DMD: variants seen among roughly 807,000 people sequenced by gnomAD.
DMD encodes mutant dystrophin.
A neutral mutation model predicts 330.1 loss-of-function variants in DMD; 63 were observed. That is an observed-to-expected ratio of 0.19 (90% CI 0.16 to 0.24). The LOEUF (loss-of-function observed/expected upper bound fraction) is 0.24. DMD is among the 10% of genes least tolerant of loss of function. The probability of loss-of-function intolerance (pLI) is 1.00; values close to 1 mark genes in which losing one functional copy is unlikely to be tolerated. For synonymous variants in DMD, 1,223 were observed against 959.8 expected (o/e 1.27, Z -5.07); for missense variants, 3,344 against 2,684.1 (o/e 1.25, Z -5.43).
chrX:31,909,795 G>A (rs1221235723), intron 47 of DMD, among the ~76,000 whole-genome samples: 4 of 112,045 alleles, frequency 3.6e-5, no homozygotes, highest in South Asian at 3.7e-4. Flanking sequence ...GTTTTCTTTC[G>A]TTTTTCTAAC....
rs572752202 is a variant in DMD at position 31,878,558 on chromosome X, A to G, written c.6913-3185T>C. On this transcript the variant is annotated intron_variant, in intron 47 of 78. Coordinates refer to ENST00000357033, the MANE Select transcript of DMD (RefSeq NM_004006.3). ...AAAATCAAAAGCTTCTGCACGACCA[A>G]AAGAGCCATAGGCAAAATCAAAAAC... 3.6e-5 allele frequency among the ~76,000 whole-genome samples: 4 copies of G among 112,215 alleles called. 1 individual carries two copies. Among genetic ancestry groups the G allele is most frequent in the African/African-American group, 1.3e-4 (4 of 30,970 alleles).
At chrX:32,070,993 C>T (rs2096292704) in intron 44 of DMD, among the ~76,000 whole-genome samples, 1 of 111,580 alleles carries the variant, frequency 9.0e-6, no homozygotes, top group Admixed American at 9.5e-5. Context: ...AGGACGTGAA[C>T]TCATCCTTTT....
chrX:32,653,034 C>G (rs12008977), intron 9 of DMD, among the ~76,000 whole-genome samples: 8,138 of 110,901 alleles, frequency 0.073, 716 homozygotes, highest in African/African-American at 0.25. Flanking sequence ...ATTTGTTTGA[C>G]TTCTTTGTAG....
intron 9 of DMD, among the ~76,000 whole-genome samples, chrX:32,673,231 T>G (rs1199922601): frequency 9.1e-6 from 1 of 110,313 alleles, no homozygotes; most frequent in Non-Finnish European, 1.9e-5. Context: ...ATGATAAACC[T>G]CCCCCACCCC....
intron 16 of DMD, among the ~76,000 whole-genome samples, chrX:32,549,497 G>A (rs1311489385): frequency 9.0e-6 from 1 of 111,427 alleles, no homozygotes; most frequent in Non-Finnish European, 1.9e-5. Context: ...GCCAGTCCTG[G>A]TTTTGAGAAT....
chrX:31,281,672 T>C (rs972011040), intron 62 of DMD, among the ~76,000 whole-genome samples: 1 of 111,844 alleles, frequency 8.9e-6, no homozygotes, highest in Non-Finnish European at 1.9e-5. Flanking sequence ...GGAGTGACTT[T>C]TAGTGGATAC....
At chrX:32,914,382 C>G (rs2087590579) in intron 2 of DMD, among the ~76,000 whole-genome samples, 1 of 112,167 alleles carries the variant, frequency 8.9e-6, no homozygotes, top group Non-Finnish European at 1.9e-5. Flanking sequence ...TACTAAGCGA[C>G]TCATAGAAAA....
At chrX:31,470,454 T>C (rs1033899744) in intron 59 of DMD, among the ~76,000 whole-genome samples, 1 of 111,846 alleles carries the variant, frequency 8.9e-6, no homozygotes, top group East Asian at 2.8e-4. Context: ...CAGACCCTGT[T>C]TGCCTGAGTA....
intron 64 of DMD, among the ~76,000 whole-genome samples, chrX:31,218,689 G>A (rs1168584271): frequency 8.9e-6 from 1 of 111,774 alleles, no homozygotes; most frequent in East Asian, 2.8e-4. Flanking sequence ...GAAGGGAAAA[G>A]GCCTAGTCTC....
chrX:33,286,074 T>C (rs2148925979), intron 1 of DMD, among the ~76,000 whole-genome samples: 1 of 111,963 alleles, frequency 8.9e-6, no homozygotes, highest in Admixed American at 9.5e-5. Flanking sequence ...ATTATCGTGA[T>C]GTAGATAGGA....
chrX:32,297,437 C>A (rs1169445788), intron 42 of DMD, among the ~76,000 whole-genome samples: 2 of 109,513 alleles, frequency 1.8e-5, no homozygotes, highest in African/African-American at 6.7e-5. Context: ...CCATGCCCGG[C>A]TAATTTTTTG....
chrX:32,648,178 A>C (rs1385379602), intron 9 of DMD, among the ~76,000 whole-genome samples: 2 of 112,135 alleles, frequency 1.8e-5, no homozygotes, highest in African/African-American at 6.5e-5. Context: ...TCTAGTACTC[A>C]AATTCTGAAC....
At chrX:32,519,305 G>C (rs1424271338) in intron 17 of DMD, among the ~76,000 whole-genome samples, 4 of 101,412 alleles carry the variant, frequency 3.9e-5, no homozygotes, top group Admixed American at 3.2e-4. Flanking sequence ...AGAAACAGAA[G>C]ACAATGTTCA....
intron 2 of DMD, among the ~76,000 whole-genome samples, chrX:32,978,473 T>A (rs1339790174): frequency 2.7e-5 from 3 of 111,850 alleles, no homozygotes; most frequent in Non-Finnish European, 3.8e-5. Context: ...TTTTTAAAAA[T>A]TTATCTTTTT....
chrX:32,478,436 T>A (rs1272101716), intron 21 of DMD, among the ~76,000 whole-genome samples: 2 of 111,487 alleles, frequency 1.8e-5, no homozygotes, highest in African/African-American at 6.5e-5. Context: ...CTTTATTAAA[T>A]AACATAGACC....
At chrX:33,162,490 A>G (rs966823567) in intron 1 of DMD, among the ~76,000 whole-genome samples, 1 of 111,749 alleles carries the variant, frequency 8.9e-6, no homozygotes, top group Non-Finnish European at 1.9e-5. Flanking sequence ...TTAGAAAAAG[A>G]TAAAAGTGAA....
At chrX:31,689,768 A>G (rs1319895838) in intron 52 of DMD, among the ~76,000 whole-genome samples, 2 of 111,803 alleles carry the variant, frequency 1.8e-5, no homozygotes, top group Non-Finnish European at 3.8e-5. Context: ...GTACCAAAAC[A>G]GAGATATACA....
At chrX:33,103,524 A>T (rs1246231507) in intron 1 of DMD, among the ~76,000 whole-genome samples, 2 of 109,941 alleles carry the variant, frequency 1.8e-5, no homozygotes, top group Non-Finnish European at 3.8e-5. Context: ...GCACCTTGTG[A>T]CCCCCACTCC....
intron 50 of DMD, among the ~76,000 whole-genome samples, chrX:31,787,670 C>T (rs764180288): frequency 8.9e-6 from 1 of 111,968 alleles, no homozygotes; most frequent in African/African-American, 3.2e-5. Context: ...TAACTGCTAT[C>T]TTAAGTTGGT....
Sources: allele counts gnomAD v4.1 joint callset (sites outside exome capture counted in the v4.1 genomes callset), GRCh38; gene constraint gnomAD v4.1.1; transcripts MANE v1.5; gene names NCBI Gene and HGNC (gene_info 2026-07-23, HGNC 2026-07-21).